Variants in BAIAP2L1 observed in about 807,000 individuals in gnomAD.
The protein encoded by BAIAP2L1 is BAR/IMD domain-containing adapter protein 2-like 1.
In BAIAP2L1, 35 loss-of-function variants were observed where a neutral mutation model predicts 66.3. The ratio of observed to expected loss-of-function variants is 0.53; its 90% CI spans 0.40 to 0.70. The LOEUF (loss-of-function observed/expected upper bound fraction) is 0.70. Ranked by LOEUF, BAIAP2L1 falls within the 30% of genes least tolerant of loss-of-function variation. BAIAP2L1 has a pLI of 0.00. For missense variants in BAIAP2L1, 622 were observed against 656.9 expected (o/e 0.95, Z 0.58); for synonymous variants, 269 against 248.7 (o/e 1.08, Z -0.77).
chr7:98,311,537 T>G (rs1387807768), intron 8 of BAIAP2L1, among the ~76,000 whole-genome samples: 1 of 150,244 alleles, frequency 6.7e-6, no homozygotes, highest in Non-Finnish European at 1.5e-5. Flanking sequence ...CAAGACTGTG[T>G]CTCAAAAACA....
intron 9 of BAIAP2L1, chr7:98,308,521 C>T (rs2116863321): frequency 2.9e-6 from 1 of 349,080 alleles, no homozygotes; most frequent in African/African-American, 2.1e-5. Context: ...CAGGACAGAC[C>T]CCACAGCTGG....
chr7:98,341,292 C>A (rs1195570102), intron 3 of BAIAP2L1, among the ~76,000 whole-genome samples: 3 of 152,164 alleles, frequency 2.0e-5, no homozygotes, highest in Admixed American at 6.6e-5. Context: ...CATGGTTAGT[C>A]AGCATGGACC....
intron 12 of BAIAP2L1, among the ~76,000 whole-genome samples, chr7:98,302,016 T>G (rs540841655): frequency 2.0e-5 from 3 of 152,182 alleles, no homozygotes; most frequent in Non-Finnish European, 2.9e-5. Context: ...GGGAAGCCGG[T>G]AAGAGGCGTG....
intron 10 of BAIAP2L1, chr7:98,306,753 G>A: frequency 1.8e-6 from 1 of 542,590 alleles, no homozygotes; most frequent in Non-Finnish European, 3.2e-6. Context: ...TGTTGCCCAG[G>A]CTGGAGTGCA....
intron 3 of BAIAP2L1, among the ~76,000 whole-genome samples, chr7:98,327,254 G>A (rs1801397111): frequency 6.6e-6 from 1 of 152,024 alleles, no homozygotes; most frequent in South Asian, 2.1e-4. Flanking sequence ...CCAGCTACTT[G>A]GGAGGCTGAA....
At chr7:98,311,830 C>T (rs953566326) in intron 8 of BAIAP2L1, among the ~76,000 whole-genome samples, 2 of 152,028 alleles carry the variant, frequency 1.3e-5, no homozygotes, top group Non-Finnish European at 2.9e-5. Context: ...CACTTGAACC[C>T]GGGAGGTGGA....
At chr7:98,307,554 A>T in intron 10 of BAIAP2L1, 135 bp downstream of exon 10, 1 of 1,469,134 alleles carries the variant, frequency 6.8e-7, no homozygotes, top group Non-Finnish European at 9.0e-7. Flanking sequence ...ACTTCAGTTA[A>T]CTAAACTAGA....
chr7:98,388,555 G>A (rs1194815609), intron 1 of BAIAP2L1, among the ~76,000 whole-genome samples: 1 of 152,154 alleles, frequency 6.6e-6, no homozygotes, highest in African/African-American at 2.4e-5. Context: ...CAGGCATATT[G>A]TTCCTGCATT....
chr7:98,350,292 C>T (rs889338877), intron 3 of BAIAP2L1, among the ~76,000 whole-genome samples: 3 of 151,062 alleles, frequency 2.0e-5, no homozygotes, highest in African/African-American at 4.9e-5. Context: ...ACCTTGGCAG[C>T]GAGAAAGATG....
chr7:98,294,197 T>C (rs1362790417), intron 12 of BAIAP2L1, 86 bp from the exon 13 acceptor site: 7 of 1,449,094 alleles, frequency 4.8e-6, no homozygotes, highest in Non-Finnish European at 6.7e-6. Flanking sequence ...TTTGCTATGT[T>C]GCCCAGGCTG....
At chr7:98,348,230 C>T (rs1801919721) in intron 3 of BAIAP2L1, among the ~76,000 whole-genome samples, 3 of 151,976 alleles carry the variant, frequency 2.0e-5, no homozygotes, top group African/African-American at 7.3e-5. Context: ...AACAAAGACA[C>T]AATGGAGAGA....
Position 98,292,254 on chromosome 7 carries a change from C to T in BAIAP2L1, c.*1267G>A, listed in dbSNP as rs193090702. On this transcript the variant is annotated 3_prime_UTR_variant, in exon 14 of 14. Transcript: ENST00000005260. ...CAGCCCCAGCACCCAGCAACACACA[C>T]GGTGAGCGGCCGGGCTGGAGTGCAG... 18 of 261,856 alleles carry T rather than the reference C, an allele frequency of 6.9e-5. No individual in the cohort carries two copies. The highest frequency in any genetic ancestry group is 1.1e-4 in the African/African-American group (5 of 44,552). The allele number at this position is 261,856 out of a possible 1,614,324, so 16.2% of individuals were successfully genotyped here. A position where few individuals can be genotyped will look rare whatever the true frequency, so the allele number is the denominator to read the frequency against.
At chr7:98,360,324 C>T (rs528323534) in intron 2 of BAIAP2L1, among the ~76,000 whole-genome samples, 5 of 152,198 alleles carry the variant, frequency 3.3e-5, no homozygotes, top group African/African-American at 7.2e-5. Flanking sequence ...ATTACAGGCA[C>T]GAGCCACCAC....
intron 1 of BAIAP2L1, among the ~76,000 whole-genome samples, chr7:98,372,175 G>A (rs1292730375): frequency 3.3e-5 from 5 of 151,984 alleles, no homozygotes; most frequent in African/African-American, 7.2e-5. Flanking sequence ...GGGAGGCAAG[G>A]CGGTCGGATC....
At chr7:98,303,039 C>G (rs767616110) in intron 12 of BAIAP2L1, among the ~76,000 whole-genome samples, 16 of 152,296 alleles carry the variant, frequency 1.1e-4, no homozygotes, top group Non-Finnish European at 2.2e-4. Context: ...CCTGCCTTGG[C>G]CTCCCAAAGT....
intron 3 of BAIAP2L1, among the ~76,000 whole-genome samples, chr7:98,349,482 C>T (rs1301757450): frequency 1.3e-5 from 2 of 152,140 alleles, no homozygotes; most frequent in Non-Finnish European, 2.9e-5. Flanking sequence ...GTTGGAACCC[C>T]AGTGAAACCA....
intron 1 of BAIAP2L1, among the ~76,000 whole-genome samples, chr7:98,386,848 C>T (rs1429536900): frequency 6.6e-6 from 1 of 151,768 alleles, no homozygotes; most frequent in South Asian, 2.1e-4. Context: ...TACAGGCGCC[C>T]GCCACTGCAC....
At position 98,314,285 on chromosome 7, in the gene BAIAP2L1, G is replaced by A. The variant is rs528833066; in HGVS notation, c.639+1175C>T. ...GGCGTGAGCCACCATGCGCAGTCCT[G>A]AATATTCCTTAAAGTTGTAAAAAGT... On this transcript the variant is annotated intron_variant, in intron 7 of 13. Coordinates refer to ENST00000005260, the MANE Select transcript of BAIAP2L1 (RefSeq NM_018842.5). 5.7e-4 allele frequency among the ~76,000 whole-genome samples: 87 copies of A among 152,150 alleles called. 1 individual carries two copies. The highest frequency in any genetic ancestry group is 2.0e-3 in the African/African-American group (85 of 41,504).
At chr7:98,343,146 C>T (rs1801783533) in intron 3 of BAIAP2L1, among the ~76,000 whole-genome samples, 1 of 151,820 alleles carries the variant, frequency 6.6e-6, no homozygotes, top group Non-Finnish European at 1.5e-5. Context: ...GCCTGTAATC[C>T]TAGCACTTTG....
Sources: gnomAD v4.1 joint callset for allele counts (sites outside exome capture counted in the v4.1 genomes callset) on GRCh38, gnomAD v4.1.1 for gene constraint, MANE v1.5 for transcripts, NCBI Gene and HGNC (gene_info 2026-07-23, HGNC 2026-07-21) for gene names.